The following SPTBN4 variants were observed in gnomAD, a reference collection of about 807,000 sequenced individuals.
The protein encoded by SPTBN4 is spectrin beta chain, non-erythrocytic 4.
Under a neutral mutation model 277.8 loss-of-function variants are expected in SPTBN4, and 96 were observed. That is an observed-to-expected ratio of 0.35 (90% confidence interval 0.29 to 0.41). The LOEUF is 0.41. Ranked by LOEUF, SPTBN4 falls within the 10% of genes least tolerant of loss-of-function variation. SPTBN4 has a pLI of 1.00. For missense variants in SPTBN4, 3,006 were observed against 3,595.7 expected (o/e 0.84, Z 4.19); for synonymous variants, 1,481 against 1,580.3 (o/e 0.94, Z 1.49).
intron 16 of SPTBN4, 88 bp downstream of exon 16, chr19:40,520,239 A>T: frequency 4.5e-5 from 47 of 1,047,438 alleles, no homozygotes; most frequent in East Asian, 1.1e-4. Context: ...GGTGGGGAGG[A>T]GGGTGTTTCC....
At chr19:40,558,948 A>T (rs1263396103) in intron 26 of SPTBN4, among the ~76,000 whole-genome samples, 1 of 139,142 alleles carries the variant, frequency 7.2e-6, no homozygotes, top group Non-Finnish European at 1.5e-5. Flanking sequence ...TATTATTATT[A>T]TGAGGCAGAG....
At chr19:40,496,089 C>T (rs1406490644) in intron 6 of SPTBN4, among the ~76,000 whole-genome samples, 1 of 152,178 alleles carries the variant, frequency 6.6e-6, no homozygotes, top group Non-Finnish European at 1.5e-5. Context: ...CCCACTAAAA[C>T]ATTCAATAGT....
chr19:40,506,132 G>C, intron 12 of SPTBN4, 104 bp from the exon 13 acceptor site: 1 of 1,432,874 alleles, frequency 7.0e-7, no homozygotes, highest in Non-Finnish European at 9.4e-7. Context: ...GGTCAGAGTC[G>C]GGAGTGATGG....
At chr19:40,561,605 T>A (rs986787641) in intron 27 of SPTBN4, among the ~76,000 whole-genome samples, 1 of 152,090 alleles carries the variant, frequency 6.6e-6, no homozygotes, top group Non-Finnish European at 1.5e-5. Context: ...GCAGATCACC[T>A]GAGCTCAGGA....
chr19:40,543,912 A>G (rs1014711993), intron 20 of SPTBN4, among the ~76,000 whole-genome samples: 3 of 152,190 alleles, frequency 2.0e-5, no homozygotes, highest in African/African-American at 7.2e-5. Flanking sequence ...TGAATAAATA[A>G]ATTTTCATGG....
intron 6 of SPTBN4, 146 bp downstream of exon 6, chr19:40,495,123 T>C (rs1298292384): frequency 1.4e-6 from 1 of 727,260 alleles, no homozygotes. Context: ...CAGTTTTCTT[T>C]CCCTTCACAC....
At chr19:40,521,575 GA>G (rs1410832588) in intron 16 of SPTBN4, among the ~76,000 whole-genome samples, 1 of 152,100 alleles carries the variant, frequency 6.6e-6, no homozygotes, top group Non-Finnish European at 1.5e-5. Context: ...GTGTTCCTAT[GA>G]GAATGTAAAG....
At chr19:40,530,076 C>A (rs2080645857) in intron 18 of SPTBN4, among the ~76,000 whole-genome samples, 1 of 152,142 alleles carries the variant, frequency 6.6e-6, no homozygotes, top group East Asian at 1.9e-4. Flanking sequence ...TCCCCCTCGC[C>A]CCCACTGGAG....
At chr19:40,489,841 G>A (rs760550049) in intron 3 of SPTBN4, among the ~76,000 whole-genome samples, 1 of 152,204 alleles carries the variant, frequency 6.6e-6, no homozygotes, top group Non-Finnish European at 1.5e-5. Context: ...CCAGGGACGT[G>A]AATAAACCTT....
chr19:40,475,610 C>T (rs958370002), intron 2 of SPTBN4, among the ~76,000 whole-genome samples: 1 of 152,090 alleles, frequency 6.6e-6, no homozygotes, highest in South Asian at 2.1e-4. Context: ...TACAGGCCCG[C>T]ACCACCATGC....
intron 6 of SPTBN4, among the ~76,000 whole-genome samples, chr19:40,495,322 T>C (rs1194096358): frequency 6.6e-6 from 1 of 152,096 alleles, no homozygotes; most frequent in Non-Finnish European, 1.5e-5. Flanking sequence ...CATGCTGCTG[T>C]GTACCCAGCA....
intron 5 of SPTBN4, 147 bp from the exon 6 acceptor site, chr19:40,494,750 A>G: frequency 2.9e-6 from 2 of 685,190 alleles, no homozygotes; most frequent in East Asian, 5.5e-5. Context: ...TACCTACCCA[A>G]CACCCACCCA....
At chr19:40,523,166 G>C (rs2080548431) in intron 16 of SPTBN4, among the ~76,000 whole-genome samples, 1 of 152,132 alleles carries the variant, frequency 6.6e-6, no homozygotes, top group South Asian at 2.1e-4. Context: ...AATACAGGAG[G>C]GTAGTGGGAT....
At chr19:40,507,791 C>T (rs2080347021) in intron 13 of SPTBN4, among the ~76,000 whole-genome samples, 1 of 152,152 alleles carries the variant, frequency 6.6e-6, no homozygotes, top group Non-Finnish European at 1.5e-5. Flanking sequence ...GCCGAGATCG[C>T]ACCACTGCAC....
At chr19:40,526,462 G>A (rs1284123260) in intron 17 of SPTBN4, among the ~76,000 whole-genome samples, 1 of 151,920 alleles carries the variant, frequency 6.6e-6, no homozygotes, top group African/African-American at 2.4e-5. Context: ...GTGAGCCACC[G>A]CGCCGGCCGC....
Position 40,560,419 on chromosome 19 carries a change from C to T in SPTBN4, c.5915+16C>T. ...ACAAGCCCAGGTGCCCCTCATCCCT[C>T]CTCGGGCTTCCTGCCTCCCCCTGGT... On this transcript the variant is annotated intron_variant, in intron 27 of 35. Transcript: ENST00000598249. The surrounding 1 kb of genome is among the most constrained non-coding windows in gnomAD (Gnocchi z 5.2). 6.2e-7 allele frequency: 1 copy of T among 1,613,832 alleles called. No homozygotes were observed. The highest frequency in any genetic ancestry group is 1.3e-5 in the African/African-American group (1 of 75,054).
chr19:40,545,553 A>G (rs1037194144), intron 20 of SPTBN4, among the ~76,000 whole-genome samples: 1 of 152,142 alleles, frequency 6.6e-6, no homozygotes, highest in African/African-American at 2.4e-5. Flanking sequence ...CCATCTCCCA[A>G]CATCTTTGCC....
chr19:40,554,582 G>C lies in SPTBN4; in HGVS notation c.5020G>C (p.Glu1674Gln), dbSNP rs369155462. 6.5e-7 allele frequency: 1 copy of C among 1,543,478 alleles called. No individual in the cohort carries two copies. Among genetic ancestry groups the C allele is most frequent in the African/African-American group, 1.4e-5 (1 of 73,100 alleles). ...GCTGGAGCAAGGCGTGGAGAACTAC[G>C]AGGAAAGCATCGCGCAGCTGTCGCG... ...LQLEQGVENY[E>Q]ESIAQLSRQC... Residue 1674 changes from glutamate (E) to glutamine (Q), a missense_variant, in exon 24 of 36, where the codon GAG becomes CAG. Around this residue, in one of 5 missense-constraint regions of SPTBN4, gnomAD observed 425 missense variants for 594.7 expected, o/e 0.71. Coordinates refer to ENST00000598249, the MANE Select transcript of SPTBN4 (RefSeq NM_020971.3). The surrounding 1 kb of genome is among the most constrained non-coding windows in gnomAD (Gnocchi z 5.7).
At position 40,557,007 on chromosome 19, in the gene SPTBN4, C is replaced by CCCAA; in HGVS notation, c.5290-16_5290-15insCCAA. 6.6e-7 allele frequency: 1 copy of CCCAA among 1,522,586 alleles called. No homozygotes were observed. Among genetic ancestry groups the CCCAA allele is most frequent in the South Asian group, 1.3e-5 (1 of 77,578 alleles). 94.3% of individuals were successfully genotyped at this position (1,522,586 alleles called of 1,614,324 possible). A position where few individuals can be genotyped will look rare whatever the true frequency, so the allele number is the denominator to read the frequency against. On this transcript the variant is annotated splice_polypyrimidine_tract_variant and intron_variant, in intron 25 of 35. Transcript: ENST00000598249. ...GCTCACTTTGCTGTACCCCCCCCCC[C>CCCAA]ACTTCCTGATGGCAGGTGCTGCAGG...
Sources: gnomAD v4.1 joint callset for allele counts (sites outside exome capture counted in the v4.1 genomes callset) on GRCh38, gnomAD v4.1.1 for gene constraint, gnomAD v4.1.1 regional missense constraint, Gnocchi (gnomAD v3.1) non-coding constraint, MANE v1.5 for transcripts, NCBI Gene and HGNC (gene_info 2026-07-23, HGNC 2026-07-21) for gene names.